JDP2: variants seen among roughly 807,000 people sequenced by gnomAD.
JDP2 encodes progesterone receptor co-activator.
Under a neutral mutation model 17.1 loss-of-function variants are expected in JDP2, and 9 were observed. That is an observed-to-expected ratio of 0.53 (90% confidence interval 0.32 to 0.92). The LOEUF (loss-of-function observed/expected upper bound fraction) is 0.92. Among genes scored for constraint, JDP2 ranks in the 40% least tolerant of loss-of-function variants. The probability of loss-of-function intolerance (pLI) is 0.04; values close to 1 mark genes in which losing one functional copy is unlikely to be tolerated. For missense variants in JDP2, 179 were observed against 220.0 expected (o/e 0.81, Z 1.18); for synonymous variants, 107 against 95.6 (o/e 1.12, Z -0.69).
At chr14:75,453,314 G>T (rs542593180) in intron 2 of JDP2, among the ~76,000 whole-genome samples, 2 of 152,168 alleles carry the variant, frequency 1.3e-5, no homozygotes, top group Admixed American at 1.3e-4. Context: ...CTCCATGCAG[G>T]GGGGGCCCTG....
chr14:75,445,538 A>G (rs1333580472), intron 2 of JDP2: 5 of 985,392 alleles, frequency 5.1e-6, no homozygotes, highest in Non-Finnish European at 6.0e-6. Context: ...GTAGCAAAGC[A>G]GGACTGCTGC....
intron 3 of JDP2, among the ~76,000 whole-genome samples, chr14:75,464,581 C>T (rs1426031414): frequency 1.3e-5 from 2 of 152,210 alleles, no homozygotes; most frequent in African/African-American, 4.8e-5. Context: ...TGAGCATCCT[C>T]GGATTTTGGT....
intron 2 of JDP2, among the ~76,000 whole-genome samples, chr14:75,439,091 G>A (rs1033872268): frequency 1.5e-4 from 23 of 152,196 alleles, no homozygotes; most frequent in African/African-American, 5.3e-4. Context: ...ATGAGCCTGG[G>A]GGGAGCTCGG....
chr14:75,438,137 A>T lies in JDP2; in HGVS notation c.201+16A>T. Reference sequence around the variant, plus strand: ...GAAAAGTGAGGTGAGCGAGCCTTTTACCCCTGGCAGATTCCAGGTCTGGCC... The same window carrying T: ...GAAAAGTGAGGTGAGCGAGCCTTTTTCCCCTGGCAGATTCCAGGTCTGGCC... On this transcript the variant is annotated intron_variant, in intron 2 of 3. Transcript: ENST00000651602. The T allele has an allele frequency of 6.3e-7, 1 of 1,579,410 alleles. No individual in the cohort carries two copies. Among genetic ancestry groups the T allele is most frequent in the African/African-American group, 1.3e-5 (1 of 74,288 alleles).
At chr14:75,440,445 A>T (rs1050892152) in intron 2 of JDP2, among the ~76,000 whole-genome samples, 9 of 152,384 alleles carry the variant, frequency 5.9e-5, no homozygotes, top group African/African-American at 2.2e-4. Context: ...CTATTTGCAT[A>T]TGGCAAACTG....
chr14:75,429,984 C>T (rs1884722907), intron 1 of JDP2, among the ~76,000 whole-genome samples: 1 of 151,998 alleles, frequency 6.6e-6, no homozygotes, highest in Admixed American at 6.5e-5. Context: ...AGGTTGGCTG[C>T]AGCCACCTCC....
intron 2 of JDP2, among the ~76,000 whole-genome samples, chr14:75,449,677 G>T (rs568006376): frequency 1.3e-5 from 2 of 152,272 alleles, no homozygotes; most frequent in South Asian, 4.1e-4. Flanking sequence ...TATGAAATGG[G>T]CCTGAAATAG....
intron 2 of JDP2, among the ~76,000 whole-genome samples, chr14:75,452,619 C>T (rs1305945525): frequency 6.6e-6 from 1 of 152,180 alleles, no homozygotes; most frequent in Non-Finnish European, 1.5e-5. Context: ...TTGTTGCTGA[C>T]ATTCAAAAGT....
At chr14:75,432,139 G>A (rs550213992) in intron 1 of JDP2, 30 of 613,816 alleles carry the variant, frequency 4.9e-5, no homozygotes. Flanking sequence ...GCCATCTGAA[G>A]AGGGCCTTTT....
chr14:75,432,219 G>A (rs1422466239), intron 1 of JDP2: 5 of 1,136,424 alleles, frequency 4.4e-6, no homozygotes, highest in East Asian at 2.6e-5. Flanking sequence ...GGATCTCCTC[G>A]ACTTTTGGAA....
chr14:75,438,787 C>A lies in JDP2; in HGVS notation c.201+666C>A, dbSNP rs114395757. ...TCAGGTCCCTTGCACCTGCAGCTCT[C>A]ATGAGCCCTTTTTCTCGGGGCACTG... On this transcript the variant is annotated intron_variant, in intron 2 of 3. Coordinates refer to ENST00000651602, the MANE Select transcript of JDP2 (RefSeq NM_001135048.2). Among the ~76,000 whole-genome samples the A allele has an allele frequency of 9.3e-3, 1,419 of 152,366 alleles. 22 individuals carry two copies. Among genetic ancestry groups the A allele is most frequent in the African/African-American group, 0.032 (1,348 of 41,578 alleles).
rs182904835 is a variant in JDP2, at chr14:75,441,560, C to T, written c.201+3439C>T. On this transcript the variant is annotated intron_variant, in intron 2 of 3. Coordinates refer to ENST00000651602, the MANE Select transcript of JDP2 (RefSeq NM_001135048.2). Reference sequence around the variant, plus strand: ...ATCCAAAAGTAAGCAAATTAATACACGATATATAAGGTGAGTTAGTGGTCA... The same window carrying T: ...ATCCAAAAGTAAGCAAATTAATACATGATATATAAGGTGAGTTAGTGGTCA... Among the ~76,000 whole-genome samples, 365 of 152,180 alleles carry T rather than the reference C, an allele frequency of 2.4e-3. 4 individuals are homozygous for T. The highest frequency in any genetic ancestry group is 8.3e-3 in the African/African-American group (343 of 41,494).
At chr14:75,436,721 A>G (rs1885080505) in intron 1 of JDP2, among the ~76,000 whole-genome samples, 1 of 152,240 alleles carries the variant, frequency 6.6e-6, no homozygotes, top group Admixed American at 6.5e-5. Context: ...CTTCACTGCC[A>G]TCTGTGCCTT....
intron 2 of JDP2, among the ~76,000 whole-genome samples, chr14:75,440,863 A>T (rs1239924273): frequency 1.3e-5 from 2 of 152,216 alleles, no homozygotes; most frequent in African/African-American, 4.8e-5. Context: ...CACATTACAG[A>T]TGAGGTCAAC....
Position 75,469,511 on chromosome 14 carries a change from GA to G in JDP2, c.*37del. On this transcript the variant is annotated 3_prime_UTR_variant, in exon 4 of 4. Transcript: ENST00000651602. ...GGAGGAGGTGGAGGAGGAGGAAGAG[GA>G]GAAGGAAAAGTGACGAAGAGAGAGG... The G allele has an allele frequency of 1.9e-6, 3 of 1,597,426 alleles. No individual in the cohort carries two copies. Among genetic ancestry groups the G allele is most frequent in the Non-Finnish European group, 2.6e-6 (3 of 1,171,214 alleles).
chr14:75,443,909 AT>A (rs11409834), intron 2 of JDP2, among the ~76,000 whole-genome samples: 22 of 149,862 alleles, frequency 1.5e-4, no homozygotes, highest in Admixed American at 1.0e-3. Flanking sequence ...GTTGTTATGA[AT>A]TTTTTTTTTT....
At chr14:75,439,092 G>A (rs1885215875) in intron 2 of JDP2, among the ~76,000 whole-genome samples, 1 of 152,180 alleles carries the variant, frequency 6.6e-6, no homozygotes, top group Non-Finnish European at 1.5e-5. Flanking sequence ...TGAGCCTGGG[G>A]GGAGCTCGGA....
chr14:75,440,586 C>A (rs1468326578), intron 2 of JDP2, among the ~76,000 whole-genome samples: 1 of 152,220 alleles, frequency 6.6e-6, no homozygotes, highest in Non-Finnish European at 1.5e-5. Flanking sequence ...TGACTTCATT[C>A]ATTCCTTATT....
At chr14:75,451,100 C>T (rs929061849) in intron 2 of JDP2, among the ~76,000 whole-genome samples, 4 of 152,200 alleles carry the variant, frequency 2.6e-5, no homozygotes, top group African/African-American at 9.7e-5. Flanking sequence ...GGTGGTAAGA[C>T]CACAGCAGGT....
Sources: gnomAD v4.1 joint callset for allele counts (sites outside exome capture counted in the v4.1 genomes callset) on GRCh38, gnomAD v4.1.1 for gene constraint, MANE v1.5 for transcripts, NCBI Gene and HGNC (gene_info 2026-07-23, HGNC 2026-07-21) for gene names.